The following GSTP1 variants were observed in gnomAD, a reference collection of about 807,000 sequenced individuals.
GSTP1 encodes glutathione S-transferase P.
In GSTP1, 28 loss-of-function variants were observed where a neutral mutation model predicts 29.4. The ratio of observed to expected loss-of-function variants is 0.95; its 90% confidence interval spans 0.71 to 1.30. The LOEUF is 1.30. GSTP1 is among the 50% of genes most tolerant of loss of function. GSTP1 has a pLI of 0.00. For missense variants in GSTP1, 267 were observed against 266.1 expected (o/e 1.00, Z -0.02); for synonymous variants, 122 against 117.0 (o/e 1.04, Z -0.28).
At chr11:67,584,412 G>T in intron 2 of GSTP1, 52 bp from the exon 3 acceptor site, 2 of 1,034,656 alleles carry the variant, frequency 1.9e-6, no homozygotes, top group African/African-American at 3.2e-5. Flanking sequence ...CCGGGTTGCT[G>T]CGAGGCGGAG....
chr11:67,584,605 C>A, intron 3 of GSTP1, 35 bp downstream of exon 3: 1 of 1,572,564 alleles, frequency 6.4e-7, no homozygotes, highest in Non-Finnish European at 8.7e-7. Flanking sequence ...GGAGGGGGTG[C>A]TGGGCCTTAG....
In GSTP1 at chr11:67,584,120, T is replaced by G; in HGVS notation, c.2-14T>G. The G allele has an allele frequency of 3.7e-6, 6 of 1,610,478 alleles. No individual in the cohort carries two copies. Among genetic ancestry groups the G allele is most frequent in the Non-Finnish European group, 4.2e-6 (5 of 1,176,958 alleles). ...TCCCCCGGGCTCCAGCAAACTTTTC[T>G]TTGTTCGCTGCAGTGCCGCCCTACA... On this transcript the variant is annotated splice_polypyrimidine_tract_variant and intron_variant, in intron 1 of 6. Coordinates refer to ENST00000398606, the MANE Select transcript of GSTP1 (RefSeq NM_000852.4).
chr11:67,584,539 C>T lies in GSTP1; in HGVS notation c.113C>T (p.Thr38Met), dbSNP rs1215402584. The change falls in exon 3 of 7, where the codon ACG becomes ATG. Residue 38 changes from threonine to methionine, a missense_variant. Physicochemically the swap from Thr to Met is moderately conservative, Grantham distance 81. Coordinates refer to ENST00000398606, the MANE Select transcript of GSTP1 (RefSeq NM_000852.4). ...AAGGAGGAGGTGGTGACCGTGGAGA[C>T]GTGGCAGGAGGGCTCACTCAAAGCC... ...SWKEEVVTVE[T>M]WQEGSLKASC... 1 of 1,597,952 alleles carries T rather than the reference C, an allele frequency of 6.3e-7. No homozygotes were observed. The highest frequency in any genetic ancestry group is 1.1e-5 in the South Asian group (1 of 89,848).
At chr11:67,586,250 C>G in intron 6 of GSTP1, 39 bp downstream of exon 6, 2 of 1,549,232 alleles carry the variant, frequency 1.3e-6, no homozygotes, top group Non-Finnish European at 1.8e-6. Flanking sequence ...CCTCGCCACC[C>G]TCTGCTTCCA....
At chr11:67,585,906 G>C (rs949763926) in intron 5 of GSTP1, among the ~76,000 whole-genome samples, 198 bp from the exon 6 acceptor site, 25 of 152,102 alleles carry the variant, frequency 1.6e-4, no homozygotes. Flanking sequence ...CATCTGGTGA[G>C]AGAACCCAGC....
rs1867430310 is a variant in GSTP1 at position 67,584,444 on chromosome 11, G to C, written c.38-20G>C. The C allele has an allele frequency of 7.1e-7, 1 of 1,399,686 alleles. No individual in the cohort carries two copies. The highest frequency in any genetic ancestry group is 1.4e-5 in the South Asian group (1 of 73,734). The allele number at this position is 1,399,686 out of a possible 1,614,324, so 86.7% of individuals were successfully genotyped here. A position where few individuals can be genotyped will look rare whatever the true frequency, so the allele number is the denominator to read the frequency against. On this transcript the variant is annotated intron_variant, in intron 2 of 6. Coordinates refer to ENST00000398606, the MANE Select transcript of GSTP1 (RefSeq NM_000852.4). ...GGAGTCGGCCCGGTCCCCACATCTCGTACTTCTCCCTCCCCGCAGGCCGCT... is the reference window on the plus strand; with the variant it reads ...GGAGTCGGCCCGGTCCCCACATCTCCTACTTCTCCCTCCCCGCAGGCCGCT...
Position 67,586,494 on chromosome 11 carries a change from C to A in GSTP1, c.550C>A (p.Leu184Ile). 6.2e-7 allele frequency: 1 copy of A among 1,614,070 alleles called. No homozygotes were observed. Among genetic ancestry groups the A allele is most frequent in the East Asian group, 2.2e-5 (1 of 44,880 alleles). ...FPLLSAYVGR[L>I]SARPKLKAFL... Reference sequence around the variant, plus strand: ...CCTGCTCTCAGCATATGTGGGGCGCCTCAGTGCCCGGCCCAAGCTCAAGGC... The same window carrying A: ...CCTGCTCTCAGCATATGTGGGGCGCATCAGTGCCCGGCCCAAGCTCAAGGC... The change falls in exon 7 of 7, where the codon CTC becomes ATC. Residue 184 changes from leucine (L) to isoleucine (I), a missense_variant. Transcript: ENST00000398606.
At position 67,586,535 on chromosome 11, in the gene GSTP1, T is replaced by C; in HGVS notation, c.591T>C (p.Pro197=). ...AGCTCAAGGCCTTCCTGGCCTCCCC[T>C]GAGTACGTGAACCTCCCCATCAATG... is the stretch of plus-strand genomic sequence containing the variant. The part of the protein sequence containing the change: ...RPKLKAFLAS[P]EYVNLPINGN... Residue 197 remains proline (P), a synonymous_variant, in exon 7 of 7, where the codon CCT becomes CCC. Transcript: ENST00000398606. 1 of 1,614,100 alleles carries C rather than the reference T, an allele frequency of 6.2e-7. No individual in the cohort carries two copies. The highest frequency in any genetic ancestry group is 8.5e-7 in the Non-Finnish European group (1 of 1,179,966).
intron 3 of GSTP1, 28 bp from the exon 4 acceptor site, chr11:67,584,657 C>G (rs772005452): frequency 2.2e-5 from 35 of 1,586,918 alleles, no homozygotes; most frequent in Admixed American, 5.0e-5. Flanking sequence ...GCTCAGTGCC[C>G]CTCCCTGAGC....
In GSTP1 at chr11:67,586,612, G is replaced by T. The variant is rs1234391817; in HGVS notation, c.*35G>T. On this transcript the variant is annotated 3_prime_UTR_variant, in exon 7 of 7. Coordinates refer to ENST00000398606, the MANE Select transcript of GSTP1 (RefSeq NM_000852.4). ...GGACTCTGAGCGGGAGGCAGAGTTTGCCTTCCTTTCTCCAGGACCAATAAA... is the reference window on the plus strand; with the variant it reads ...GGACTCTGAGCGGGAGGCAGAGTTTTCCTTCCTTTCTCCAGGACCAATAAA... 1.3e-6 allele frequency: 2 copies of T among 1,557,984 alleles called. No individual in the cohort carries two copies. The highest frequency in any genetic ancestry group is 1.8e-5 in the Admixed American group (1 of 55,220).
intron 2 of GSTP1, 61 bp from the exon 3 acceptor site, chr11:67,584,403 C>G (rs1017002030): frequency 3.2e-6 from 3 of 927,652 alleles, no homozygotes; most frequent in Non-Finnish European, 4.9e-6. Flanking sequence ...GACCCCTCCC[C>G]GGGTTGCTGC....
At chr11:67,586,069 A>T in intron 5 of GSTP1, 35 bp from the exon 6 acceptor site, 1 of 1,501,606 alleles carries the variant, frequency 6.7e-7, no homozygotes, top group Non-Finnish European at 9.3e-7. Context: ...GCTGGGAGGG[A>T]TGAGAGTAGG....
At chr11:67,585,691 G>A in intron 5 of GSTP1, among the ~76,000 whole-genome samples, 1 of 152,162 alleles carries the variant, frequency 6.6e-6, no homozygotes, top group Admixed American at 6.5e-5. Context: ...GTGTGTGCGT[G>A]TGTGTGTGTA....
In GSTP1 at chr11:67,585,236, A is replaced by T; in HGVS notation, c.331A>T (p.Asn111Tyr). The T allele has an allele frequency of 6.3e-7, 1 of 1,595,210 alleles. No individual in the cohort carries two copies. Among genetic ancestry groups the T allele is most frequent in the South Asian group, 1.1e-5 (1 of 90,726 alleles). ...RCKYISLIYT[N>Y]YEAGKDDYVK... is the part of the protein sequence containing the mutation. ...CAAATACATCTCCCTCATCTACACC[A>T]ACTATGTGAGCATCTGCACCAGGGT... Residue 111 changes from asparagine to tyrosine, a missense_variant, in exon 5 of 7, where the codon AAC (asparagine) becomes TAC (tyrosine). By Grantham distance (143) the Asn-to-Tyr change is moderately radical (BLOSUM62 -2). Coordinates refer to ENST00000398606, the MANE Select transcript of GSTP1 (RefSeq NM_000852.4).
At position 67,584,123 on chromosome 11, in the gene GSTP1, G is replaced by T. The variant is rs1402532409; in HGVS notation, c.2-11G>T. ...CCCGGGCTCCAGCAAACTTTTCTTT[G>T]TTCGCTGCAGTGCCGCCCTACACCG... is the stretch of plus-strand genomic sequence containing the variant. On this transcript the variant is annotated splice_polypyrimidine_tract_variant and intron_variant, in intron 1 of 6. Coordinates refer to ENST00000398606, the MANE Select transcript of GSTP1 (RefSeq NM_000852.4). 1 of 1,611,146 alleles carries T rather than the reference G, an allele frequency of 6.2e-7. No homozygotes were observed. Among genetic ancestry groups the T allele is most frequent in the Non-Finnish European group, 8.5e-7 (1 of 1,177,522 alleles).
rs1695 is a variant in GSTP1 at position 67,585,218 on chromosome 11, A to G, written c.313A>G (p.Ile105Val). The G allele has an allele frequency of 0.34, 548,022 of 1,605,938 alleles. 96,157 individuals are homozygous for G. The highest frequency in any genetic ancestry group is 0.48 in the Admixed American group (28,977 of 59,912). The change falls in exon 5 of 7, where the codon ATC (isoleucine) becomes GTC (valine). Residue 105 changes from isoleucine (I) to valine (V), a missense_variant. Coordinates refer to ENST00000398606, the MANE Select transcript of GSTP1 (RefSeq NM_000852.4). ...DGVEDLRCKY[I>V]SLIYTNYEAG... ...CGTGGAGGACCTCCGCTGCAAATAC[A>G]TCTCCCTCATCTACACCAACTATGT...
intron 1 of GSTP1, 69 bp from the exon 2 acceptor site, chr11:67,584,065 G>GC: frequency 7.7e-7 from 1 of 1,305,578 alleles, no homozygotes; most frequent in Non-Finnish European, 1.1e-6. Flanking sequence ...GGGAGGGGGG[G>GC]CAGACTGCGC....
rs1867434411 is a variant in GSTP1, at chr11:67,584,580, C to T, written c.144+10C>T. Reference sequence around the variant, plus strand: ...ACTCAAAGCCTCCTGCGTAAGTGACCATGCCCGGGCAAGGGGAGGGGGTGC... The same window carrying T: ...ACTCAAAGCCTCCTGCGTAAGTGACTATGCCCGGGCAAGGGGAGGGGGTGC... On this transcript the variant is annotated intron_variant, in intron 3 of 6. Transcript: ENST00000398606. The T allele has an allele frequency of 2.5e-6, 4 of 1,590,272 alleles. No homozygotes were observed. Among genetic ancestry groups the T allele is most frequent in the Non-Finnish European group, 3.4e-6 (4 of 1,160,310 alleles).
In GSTP1 at chr11:67,586,157, T is replaced by C; in HGVS notation, c.390T>C (p.Phe130=). ...VKALPGQLKP[F]ETLLSQNQGG... ...CACTGCCCGGGCAACTGAAGCCTTT[T>C]GAGACCCTGCTGTCCCAGAACCAGG... Residue 130 remains phenylalanine (F), a synonymous_variant, in exon 6 of 7, where the codon TTT becomes TTC. Transcript: ENST00000398606. 5 of 1,614,042 alleles carry C rather than the reference T, an allele frequency of 3.1e-6. No individual in the cohort carries two copies. Among genetic ancestry groups the C allele is most frequent in the Non-Finnish European group, 3.4e-6 (4 of 1,179,960 alleles).
Sources: allele counts gnomAD v4.1 joint callset (sites outside exome capture counted in the v4.1 genomes callset), GRCh38; gene constraint gnomAD v4.1.1; transcripts MANE v1.5; gene names NCBI Gene and HGNC (gene_info 2026-07-23, HGNC 2026-07-21).